ARHGAP21: variants seen among roughly 807,000 people sequenced by gnomAD.
ARHGAP21 encodes rho GTPase-activating protein 21.
Under a neutral mutation model 164.6 loss-of-function variants are expected in ARHGAP21, and 38 were observed. That is an observed-to-expected ratio of 0.23 (90% CI 0.18 to 0.30). ARHGAP21 has a LOEUF of 0.30. ARHGAP21 is among the 10% of genes least tolerant of loss of function. The pLI is 1.00. For synonymous variants in ARHGAP21, 766 were observed against 857.9 expected, an observed-to-expected ratio of 0.89 and a Z score of 1.87; for missense variants, 1,822 against 2,370.7, an observed-to-expected ratio of 0.77 and a Z score of 4.81.
chr10:24,596,532 C>A, intron 17 of ARHGAP21: 1 of 635,532 alleles, frequency 1.6e-6, no homozygotes, highest in African/African-American at 1.9e-5. Flanking sequence ...AGACAAATTC[C>A]TAATGGTTGA....
intron 24 of ARHGAP21, chr10:24,590,283 T>A: frequency 1.3e-6 from 2 of 1,525,032 alleles, no homozygotes; most frequent in Non-Finnish European, 1.8e-6. Context: ...AGTATTGATC[T>A]GTTTACAATA....
intron 2 of ARHGAP21, among the ~76,000 whole-genome samples, chr10:24,712,522 T>TAAATTACTTAC (rs1196060850): frequency 1.3e-5 from 2 of 152,176 alleles, no homozygotes; most frequent in Admixed American, 1.3e-4. Context: ...TTACAATACC[T>TAAATTACTTAC]AATACAATGT....
At chr10:24,689,109 C>T (rs1278388859) in intron 2 of ARHGAP21, among the ~76,000 whole-genome samples, 1 of 152,114 alleles carries the variant, frequency 6.6e-6, no homozygotes, top group Non-Finnish European at 1.5e-5. Flanking sequence ...TTTACAAATA[C>T]AGACACTGAG....
At chr10:24,704,578 C>T (rs1844041700) in intron 2 of ARHGAP21, among the ~76,000 whole-genome samples, 2 of 152,078 alleles carry the variant, frequency 1.3e-5, no homozygotes, top group South Asian at 2.1e-4. Context: ...GATTCTCATG[C>T]CTCAGCCTCC....
intron 8 of ARHGAP21, 127 bp downstream of exon 8, chr10:24,622,598 TGCAAATTA>T: frequency 1.1e-6 from 1 of 927,742 alleles, no homozygotes; most frequent in Non-Finnish European, 1.6e-6. Flanking sequence ...AAACGTATTC[TGCAAATTA>T]GTAAGATTAA....
intron 2 of ARHGAP21, among the ~76,000 whole-genome samples, chr10:24,673,965 A>T (rs1290918753): frequency 6.6e-6 from 1 of 152,250 alleles, no homozygotes; most frequent in African/African-American, 2.4e-5. Flanking sequence ...TTAGGTCAAG[A>T]TTTCTTAGAT....
chr10:24,591,106 G>A, intron 24 of ARHGAP21, 119 bp downstream of exon 24: 1 of 1,026,794 alleles, frequency 9.7e-7, no homozygotes, highest in Non-Finnish European at 1.4e-6. Context: ...TTTATTAGTA[G>A]AAAGGAAGAG....
chr10:24,645,936 C>T (rs552771224), intron 4 of ARHGAP21, among the ~76,000 whole-genome samples: 8 of 152,164 alleles, frequency 5.3e-5, no homozygotes, highest in African/African-American at 1.7e-4. Flanking sequence ...TCAGGGAAGG[C>T]CTCTCTAACA....
chr10:24,665,963 T>C (rs966001020), intron 4 of ARHGAP21, among the ~76,000 whole-genome samples: 1 of 152,218 alleles, frequency 6.6e-6, no homozygotes, highest in East Asian at 1.9e-4. Flanking sequence ...GTAGTTTACA[T>C]AGTAGTATTG....
chr10:24,674,776 C>G (rs1841051587), intron 2 of ARHGAP21, among the ~76,000 whole-genome samples: 1 of 151,908 alleles, frequency 6.6e-6, no homozygotes, highest in South Asian at 2.1e-4. Flanking sequence ...AAAAGGCAAG[C>G]CATAGAATGG....
chr10:24,657,268 G>C (rs1375988425), intron 4 of ARHGAP21, among the ~76,000 whole-genome samples: 3 of 40,394 alleles, frequency 7.4e-5, no homozygotes, highest in Non-Finnish European at 1.3e-4. Flanking sequence ...GCCCCCGGCC[G>C]GCCAGCCGCC....
intron 2 of ARHGAP21, among the ~76,000 whole-genome samples, chr10:24,711,454 C>T (rs918196177): frequency 1.3e-5 from 2 of 152,152 alleles, no homozygotes; most frequent in African/African-American, 4.8e-5. Context: ...CATCTTCAGT[C>T]CCCACGTCAG....
chr10:24,663,045 A>C (rs1390610025), intron 4 of ARHGAP21, among the ~76,000 whole-genome samples: 1 of 151,310 alleles, frequency 6.6e-6, no homozygotes, highest in Admixed American at 6.6e-5. Context: ...CATGGGTTCC[A>C]CAGGGTCTAT....
chr10:24,619,254 A>C (rs1593048460), intron 9 of ARHGAP21, among the ~76,000 whole-genome samples: 1 of 131,760 alleles, frequency 7.6e-6, no homozygotes, highest in East Asian at 2.1e-4. Flanking sequence ...AGGTACATGA[A>C]GTTTTTGTTT....
chr10:24,681,080 A>G (rs1841715511), intron 2 of ARHGAP21, among the ~76,000 whole-genome samples: 1 of 152,226 alleles, frequency 6.6e-6, no homozygotes, highest in South Asian at 2.1e-4. Flanking sequence ...GCAAACTCAA[A>G]GAGGGTGAAA....
At chr10:24,631,803 C>G (rs111694028) in intron 6 of ARHGAP21, among the ~76,000 whole-genome samples, 2,898 of 152,216 alleles carry the variant, frequency 0.019, 49 homozygotes, top group South Asian at 0.034. Context: ...CTTGATTAAC[C>G]TCACTTGACT....
rs867444171 is a variant in ARHGAP21 at position 24,620,147 on chromosome 10, A to G, written c.1748T>C (p.Phe583Ser). ...SGRGVGSVSQ[F>S]KKIPPDLKTL... is the part of the protein sequence containing the mutation. ...TTTTAGATCTGGTGGAATTTTTTTA[A>G]ACTGCGACACAGATCCCACTCCTCT... The change falls in exon 9 of 26, where the codon TTT becomes TCT. Residue 583 changes from phenylalanine (F) to serine (S), a missense_variant. Physicochemically the swap from Phe to Ser is radical, Grantham distance 155. Coordinates refer to ENST00000396432, the MANE Select transcript of ARHGAP21 (RefSeq NM_020824.4). 1 of 1,613,886 alleles carries G rather than the reference A, an allele frequency of 6.2e-7. No individual in the cohort carries two copies. Among genetic ancestry groups the G allele is most frequent in the Admixed American group, 1.7e-5 (1 of 60,000 alleles).
At chr10:24,619,074 T>C (rs1834279590) in intron 9 of ARHGAP21, among the ~76,000 whole-genome samples, 1 of 152,190 alleles carries the variant, frequency 6.6e-6, no homozygotes, top group Admixed American at 6.5e-5. Context: ...CAAAGAAATA[T>C]GTTTTAGAAA....
In ARHGAP21 at chr10:24,619,647, G is replaced by C. The variant is rs1318291343; in HGVS notation, c.2248C>G (p.Pro750Ala). ...AAGATGTAAGACTGATGCCTTAAAG[G>C]CTGCGGTGTCTGGCGTCCAGATGGA... is the stretch of plus-strand genomic sequence containing the variant. ...KPPSGRQTPQPLRHQSYILAV... is the reference protein window; with the variant it reads ...KPPSGRQTPQALRHQSYILAV... Residue 750 changes from proline to alanine, a missense_variant, in exon 9 of 26, where the codon CCT (proline) becomes GCT (alanine). Physicochemically the swap from Pro to Ala is conservative, Grantham distance 27 (BLOSUM62 -1). Around this residue, in one of 5 missense-constraint regions of ARHGAP21, gnomAD observed 1,090 missense variants for 1,378.9 expected, o/e 0.79. Transcript: ENST00000396432. The C allele has an allele frequency of 1.2e-6, 2 of 1,614,188 alleles. No individual in the cohort carries two copies. Among genetic ancestry groups the C allele is most frequent in the South Asian group, 1.1e-5 (1 of 91,090 alleles).
Sources: allele counts gnomAD v4.1 joint callset (sites outside exome capture counted in the v4.1 genomes callset), GRCh38; gene constraint gnomAD v4.1.1; regional missense constraint gnomAD v4.1.1; transcripts MANE v1.5; gene names NCBI Gene and HGNC (gene_info 2026-07-23, HGNC 2026-07-21).